The following DNAH3 variants were observed in gnomAD, a reference collection of about 807,000 sequenced individuals.
DNAH3 encodes dynein axonemal heavy chain 3, also known as axonemal beta dynein heavy chain 3.
In DNAH3, 332 loss-of-function variants were observed where a neutral mutation model predicts 432.5. That is an observed-to-expected ratio of 0.77 (90% confidence interval 0.70 to 0.84). The LOEUF is 0.84. Ranked by LOEUF, DNAH3 falls within the 40% of genes least tolerant of loss-of-function variation. The pLI, the probability that DNAH3 is intolerant of heterozygous loss-of-function variation, is 0.00. For synonymous variants in DNAH3, 1,956 were observed against 1,900.2 expected, an observed-to-expected ratio of 1.03 and a Z score of -0.76; for missense variants, 4,861 against 5,114.0, an observed-to-expected ratio of 0.95 and a Z score of 1.51.
chr16:21,132,526 G>A (rs1266523428), intron 7 of DNAH3, among the ~76,000 whole-genome samples: 2 of 152,060 alleles, frequency 1.3e-5, no homozygotes, highest in Admixed American at 6.6e-5. Flanking sequence ...AACAAATGTC[G>A]GATAGCCATC....
At chr16:21,084,962 C>A (rs542380693) in intron 19 of DNAH3, among the ~76,000 whole-genome samples, 19 of 151,884 alleles carry the variant, frequency 1.3e-4, no homozygotes, top group African/African-American at 4.6e-4. Context: ...GCTCCCTAAC[C>A]CCCCCATCCC....
At chr16:21,021,211 T>C (rs2088198936) in intron 40 of DNAH3, among the ~76,000 whole-genome samples, 1 of 152,266 alleles carries the variant, frequency 6.6e-6, no homozygotes, top group South Asian at 2.1e-4. Flanking sequence ...TACAAATATC[T>C]GATCAAGTCT....
At chr16:21,124,338 CAT>C (rs1401790107) in intron 9 of DNAH3, among the ~76,000 whole-genome samples, 43 of 152,262 alleles carry the variant, frequency 2.8e-4, no homozygotes, top group African/African-American at 9.9e-4. Flanking sequence ...AACTGTAAGA[CAT>C]ATGTCTTTCA....
chr16:20,970,010 AAAG>A lies in DNAH3; in HGVS notation c.8260-23_8260-21del, dbSNP rs757542480. ...TTCGTTCTGTGGGCGGCATGAGGACAAAGGAGATGAGTGCCCAGGGCCTGGCAC... is the reference window on the plus strand; with the variant it reads ...TTCGTTCTGTGGGCGGCATGAGGACAGAGATGAGTGCCCAGGGCCTGGCAC... On this transcript the variant is annotated intron_variant, in intron 51 of 61. Coordinates refer to ENST00000261383, the Ensembl canonical transcript of DNAH3. 33 of 1,612,276 alleles carry A rather than the reference AAAG, an allele frequency of 2.0e-5. No individual in the cohort carries two copies. The South Asian group carries it at 3.5e-4, about 17-fold the overall frequency.
chr16:21,132,022 C>G (rs889962856), intron 7 of DNAH3, among the ~76,000 whole-genome samples: 1 of 152,132 alleles, frequency 6.6e-6, no homozygotes, highest in Non-Finnish European at 1.5e-5. Flanking sequence ...TATGGTTCCA[C>G]TTAGTTAGAA....
chr16:21,086,409 A>G (rs1404459665), intron 19 of DNAH3, among the ~76,000 whole-genome samples: 3 of 152,172 alleles, frequency 2.0e-5, no homozygotes, highest in Non-Finnish European at 4.4e-5. Context: ...AAGTCATCCT[A>G]AGTGGGAATC....
chr16:21,079,910 A>G (rs954763391), intron 20 of DNAH3, among the ~76,000 whole-genome samples: 3 of 152,216 alleles, frequency 2.0e-5, no homozygotes, highest in Admixed American at 2.0e-4. Context: ...AAGTGCCTTA[A>G]ATTAGACCTG....
Position 20,985,374 on chromosome 16 carries a change from G to C in DNAH3, c.7368C>G (p.Tyr2456Ter), listed in dbSNP as rs770545811. The C allele has an allele frequency of 6.2e-7, 1 of 1,614,004 alleles. No individual in the cohort carries two copies. Among genetic ancestry groups the C allele is most frequent in the African/African-American group, 1.3e-5 (1 of 74,926 alleles). Residue 2456 changes from tyrosine (Y) to a stop codon, truncating the protein, a stop_gained, in exon 48 of 62, where the codon TAC becomes TAG. Coordinates refer to ENST00000261383, the Ensembl canonical transcript of DNAH3. LOFTEE classifies it high-confidence loss of function. ...CGTAGTTCTTGGTGATCTCAATCTG[G>C]TATAGCTCGTATGCGTTCATGAATG...
At chr16:21,121,617 T>C (rs978529764) in intron 10 of DNAH3, among the ~76,000 whole-genome samples, 11 of 151,256 alleles carry the variant, frequency 7.3e-5, no homozygotes, top group Non-Finnish European at 1.5e-4. Flanking sequence ...TTTTTTTTTT[T>C]TGGAGATGGA....
At chr16:20,981,757 A>T (rs2085909442) in intron 49 of DNAH3, among the ~76,000 whole-genome samples, 1 of 151,842 alleles carries the variant, frequency 6.6e-6, no homozygotes, top group Non-Finnish European at 1.5e-5. Context: ...AATAAATAAA[A>T]TAAACAATGA....
Position 21,097,347 on chromosome 16 carries a change from C to T in DNAH3, c.2665+8G>A, listed in dbSNP as rs2091711962. ...CATCTGTCCCAGCAGAGTGAGATCA[C>T]CACATACCATTCATCCATTCCTCTG... On this transcript the variant is annotated splice_region_variant and intron_variant, in intron 18 of 61. Transcript: ENST00000261383. 6.2e-7 allele frequency: 1 copy of T among 1,613,316 alleles called. No individual in the cohort carries two copies. The highest frequency in any genetic ancestry group is 8.5e-7 in the Non-Finnish European group (1 of 1,179,898).
chr16:20,985,530 C>T (rs2086148685), exon 48 of DNAH3: 4 of 1,614,220 alleles, frequency 2.5e-6, no homozygotes, highest in African/African-American at 1.3e-5. Flanking sequence ...TGACCAGGGA[C>T]ATGGGGGCCT....
At chr16:21,031,122 T>C in exon 37 of DNAH3, 1 of 1,614,184 alleles carries the variant, frequency 6.2e-7, no homozygotes, top group East Asian at 2.2e-5. Flanking sequence ...ATAATCCACT[T>C]GCGATCATCA....
At position 21,112,037 on chromosome 16, in the gene DNAH3, C is replaced by T. The variant is rs199608238; in HGVS notation, c.1876G>A (p.Ala626Thr). 108 of 1,613,724 alleles carry T rather than the reference C, an allele frequency of 6.7e-5. 2 individuals carry two copies. The South Asian group carries it at 7.2e-4, about 11-fold the overall frequency. ...TCATGATTTTCTTTCAGGAACGCAGCGATGTTTTGCTCTGCCGTGTTATCC... is the reference window on the plus strand; with the variant it reads ...TCATGATTTTCTTTCAGGAACGCAGTGATGTTTTGCTCTGCCGTGTTATCC... The change falls in exon 13 of 62, where the codon GCT becomes ACT. Residue 626 changes from alanine (A) to threonine (T), a missense_variant. Physicochemically the swap from Ala to Thr is moderately conservative, Grantham distance 58. Coordinates refer to ENST00000261383, the Ensembl canonical transcript of DNAH3.
chr16:21,080,481 CT>C (rs1477870455), intron 20 of DNAH3, among the ~76,000 whole-genome samples: 5 of 152,102 alleles, frequency 3.3e-5, no homozygotes, highest in Non-Finnish European at 7.4e-5. Context: ...TGTAGTATGT[CT>C]TCGAAATCCA....
chr16:21,113,413 C>A lies in DNAH3; in HGVS notation c.1815-1315G>T, dbSNP rs377369597. 3.8e-4 allele frequency among the ~76,000 whole-genome samples: 58 copies of A among 152,246 alleles called. 1 individual carries two copies. The East Asian group carries it at 5.4e-3, about 14-fold the overall frequency. ...GGATTAATACTTTGTATCCCTCAAT[C>A]CAATCAAGTTGACACTCAGTATTAA... On this transcript the variant is annotated intron_variant, in intron 12 of 61. Transcript: ENST00000261383.
chr16:20,987,530 G>A lies in DNAH3; in HGVS notation c.6883-82C>T. The A allele has an allele frequency of 2.5e-6, 4 of 1,571,868 alleles. 1 individual carries two copies. In the South Asian group the frequency reaches 4.6e-5, roughly 18 times the overall value. The stretch of plus-strand genomic sequence containing the variant: ...TTCTCAGTAGTAGGTAAGTCCTGGG[G>A]TTGATTTGAGGATTGAACTAGATAA... On this transcript the variant is annotated intron_variant, in intron 46 of 61. Coordinates refer to ENST00000261383, the Ensembl canonical transcript of DNAH3.
intron 38 of DNAH3, among the ~76,000 whole-genome samples, chr16:21,026,173 C>T (rs1375912625): frequency 1.3e-5 from 2 of 152,064 alleles, no homozygotes; most frequent in Non-Finnish European, 1.5e-5. Flanking sequence ...AGGAGAATGG[C>T]TGGCTCTTGG....
At chr16:21,000,238 G>A (rs778148573) in exon 43 of DNAH3, 2 of 1,613,790 alleles carry the variant, frequency 1.2e-6, no homozygotes, top group Non-Finnish European at 1.7e-6. Flanking sequence ...AAACACCACT[G>A]CTTTCTTCCC....
Sources: allele counts gnomAD v4.1 joint callset (sites outside exome capture counted in the v4.1 genomes callset), GRCh38; gene constraint gnomAD v4.1.1; transcripts MANE v1.5; gene names NCBI Gene and HGNC (gene_info 2026-07-23, HGNC 2026-07-21).